Variants in SPIDR observed in about 807,000 individuals in gnomAD.
SPIDR encodes the protein scaffold protein involved in DNA repair, also known as DNA repair-scaffolding protein.
A neutral mutation model predicts 104.6 loss-of-function variants in SPIDR; 93 were observed. The observed-to-expected ratio is 0.89, with a 90% CI of 0.75 to 1.06. The LOEUF is 1.06. Ranked by LOEUF, SPIDR falls within the 50% of genes least tolerant of loss-of-function variation. The pLI, the probability that SPIDR is intolerant of heterozygous loss-of-function variation, is 0.00. For missense variants in SPIDR, 1,154 were observed against 1,111.2 expected (o/e 1.04, Z -0.55); for synonymous variants, 431 against 416.9 (o/e 1.03, Z -0.41).
intron 5 of SPIDR, among the ~76,000 whole-genome samples, chr8:47,327,070 T>G (rs540085601): frequency 1.1e-3 from 166 of 152,264 alleles, no homozygotes; most frequent in South Asian, 3.9e-3. Context: ...CGCACAAAGG[T>G]TTCAGTTTCT....
In SPIDR at chr8:47,656,760, A is replaced by G. The variant is rs149832291; in HGVS notation, c.1545-17041A>G. On this transcript the variant is annotated intron_variant, in intron 10 of 19. Transcript: ENST00000297423. ...ATGCAAAAATGTCAAAACAACTGCA[A>G]TATCTGTCAGCTGATAGAAGATAAA... Among the ~76,000 whole-genome samples, 651 of 152,366 alleles carry G rather than the reference A, an allele frequency of 4.3e-3. 3 individuals are homozygous for G. The highest frequency in any genetic ancestry group is 0.023 in the South Asian group (109 of 4,828).
intron 10 of SPIDR, among the ~76,000 whole-genome samples, chr8:47,666,427 T>G (rs1387686631): frequency 2.0e-5 from 3 of 152,238 alleles, no homozygotes; most frequent in African/African-American, 7.2e-5. Context: ...TGATGGAGGT[T>G]TAGCTCTGGA....
intron 8 of SPIDR, among the ~76,000 whole-genome samples, chr8:47,486,780 C>T (rs1157702056): frequency 6.6e-6 from 1 of 152,106 alleles, no homozygotes; most frequent in Non-Finnish European, 1.5e-5. Flanking sequence ...AAATAAAATC[C>T]TTTACAGACA....
At chr8:47,564,072 CTTTT>C (rs869220760) in intron 8 of SPIDR, among the ~76,000 whole-genome samples, 2 of 76,832 alleles carry the variant, frequency 2.6e-5, no homozygotes, top group Non-Finnish European at 2.3e-5. Flanking sequence ...TTTTTCTTTT[CTTTT>C]TTTTTTTTTT....
At chr8:47,414,681 A>G (rs1324765627) in intron 7 of SPIDR, among the ~76,000 whole-genome samples, 2 of 152,088 alleles carry the variant, frequency 1.3e-5, no homozygotes, top group East Asian at 1.9e-4. Context: ...GCTGGGTACT[A>G]TTGCATGGTA....
intron 5 of SPIDR, among the ~76,000 whole-genome samples, chr8:47,374,838 T>C (rs2058459618): frequency 6.6e-6 from 1 of 152,050 alleles, no homozygotes. Context: ...GGCAGATCAC[T>C]TGAAGTTAGG....
intron 10 of SPIDR, among the ~76,000 whole-genome samples, chr8:47,618,726 T>C (rs1158966848): frequency 1.3e-5 from 2 of 152,190 alleles, no homozygotes; most frequent in African/African-American, 4.8e-5. Context: ...AAAGTAATCG[T>C]TTTTTAGTTC....
At chr8:47,406,414 G>GT (rs1563876839) in intron 6 of SPIDR, among the ~76,000 whole-genome samples, 1 of 152,150 alleles carries the variant, frequency 6.6e-6, no homozygotes, top group Non-Finnish European at 1.5e-5. Flanking sequence ...GTGTAAAGGG[G>GT]AAGCATAAAC....
intron 16 of SPIDR, among the ~76,000 whole-genome samples, chr8:47,715,166 TTTTTTG>T (rs753353329): frequency 5.0e-5 from 7 of 139,088 alleles, no homozygotes; most frequent in East Asian, 2.3e-4. Context: ...TTTGGGGGGG[TTTTTTG>T]TTTTTGTTTT....
intron 5 of SPIDR, among the ~76,000 whole-genome samples, chr8:47,377,922 T>A (rs1263374840): frequency 1.6e-4 from 24 of 152,250 alleles, no homozygotes; most frequent in Non-Finnish European, 2.9e-5. Flanking sequence ...CAAAATGTCC[T>A]TTTAGTGCCT....
At position 47,552,220 on chromosome 8, in the gene SPIDR, TGTG is replaced by T. The variant is rs1297876821; in HGVS notation, c.1098-43587_1098-43585del. Among the ~76,000 whole-genome samples, 5 of 152,316 alleles carry T rather than the reference TGTG, an allele frequency of 3.3e-5. No homozygotes were observed. In the East Asian group the frequency reaches 9.6e-4, roughly 29 times the overall value. On this transcript the variant is annotated intron_variant, in intron 8 of 19. Coordinates refer to ENST00000297423, the MANE Select transcript of SPIDR (RefSeq NM_001080394.4). ...GTGGTCAATTTTGGAATAAGTGCGA[TGTG>T]GTGCTGAGAAGAATATATAATCTGT...
intron 5 of SPIDR, among the ~76,000 whole-genome samples, chr8:47,359,806 C>G (rs2055363891): frequency 1.3e-5 from 2 of 152,178 alleles, no homozygotes; most frequent in Admixed American, 1.3e-4. Context: ...GCCTCTTTCT[C>G]TTAAAAAATG....
intron 8 of SPIDR, among the ~76,000 whole-genome samples, chr8:47,502,072 T>C (rs2080566937): frequency 6.6e-6 from 1 of 151,924 alleles, no homozygotes; most frequent in Admixed American, 6.6e-5. Context: ...ATTCTGTCGA[T>C]GTGCATCAAG....
At chr8:47,419,404 G>A (rs185021007) in intron 7 of SPIDR, 66 of 152,222 alleles carry the variant, frequency 4.3e-4, no homozygotes, top group Admixed American at 3.4e-3. Flanking sequence ...GTTTATTTGC[G>A]TAGAGGTGTC....
At chr8:47,421,396 T>A (rs2065431463) in intron 7 of SPIDR, among the ~76,000 whole-genome samples, 2 of 152,254 alleles carry the variant, frequency 1.3e-5, no homozygotes, top group Admixed American at 1.3e-4. Context: ...TTCCAGTTGA[T>A]TGAATTGGCC....
At chr8:47,664,317 G>A (rs1367855298) in intron 10 of SPIDR, among the ~76,000 whole-genome samples, 1 of 152,166 alleles carries the variant, frequency 6.6e-6, no homozygotes, top group Non-Finnish European at 1.5e-5. Context: ...TAGGTGGGAA[G>A]CAGGCAATAG....
At chr8:47,520,769 T>A (rs1422161744) in intron 8 of SPIDR, among the ~76,000 whole-genome samples, 3 of 152,214 alleles carry the variant, frequency 2.0e-5, no homozygotes, top group Non-Finnish European at 4.4e-5. Context: ...ATCACAAAGC[T>A]GTGTGACACT....
chr8:47,696,879 C>G (rs536127641), intron 11 of SPIDR, among the ~76,000 whole-genome samples: 2 of 152,310 alleles, frequency 1.3e-5, no homozygotes, highest in Non-Finnish European at 2.9e-5. Context: ...TTTCTATCCC[C>G]AAGTCTGCAG....
At chr8:47,303,274 A>G (rs2042526717) in intron 5 of SPIDR, among the ~76,000 whole-genome samples, 1 of 152,136 alleles carries the variant, frequency 6.6e-6, no homozygotes, top group African/African-American at 2.4e-5. Context: ...CTGGTGTGCC[A>G]TTTGCTAAGA....
Sources: gnomAD v4.1 joint callset for allele counts (sites outside exome capture counted in the v4.1 genomes callset) on GRCh38, gnomAD v4.1.1 for gene constraint, MANE v1.5 for transcripts, NCBI Gene and HGNC (gene_info 2026-07-23, HGNC 2026-07-21) for gene names.